C9: variants seen among roughly 807,000 people sequenced by gnomAD.
C9 encodes the protein complement C9.
Under a neutral mutation model 65.4 loss-of-function variants are expected in C9, and 63 were observed. That is an observed-to-expected ratio of 0.96 (90% CI 0.79 to 1.19). C9 has a LOEUF of 1.19. Among genes scored for constraint, C9 ranks in the 50% most tolerant of loss-of-function variants. The probability of loss-of-function intolerance (pLI) is 0.00; values close to 1 mark genes in which losing one functional copy is unlikely to be tolerated. For synonymous variants in C9, 229 were observed against 227.9 expected, an observed-to-expected ratio of 1.00 and a Z score of -0.04; for missense variants, 744 against 670.1, an observed-to-expected ratio of 1.11 and a Z score of -1.22.
Position 39,334,674 on chromosome 5 carries a change from G to A in C9, c.477-2860C>T, listed in dbSNP as rs532931478. Reference sequence around the variant, plus strand: ...GAGGAGCCCCTCTGCCCGGCCAGCCGCCCAGTCCGGGAGGGAGGTGGGGCG... The same window carrying A: ...GAGGAGCCCCTCTGCCCGGCCAGCCACCCAGTCCGGGAGGGAGGTGGGGCG... On this transcript the variant is annotated intron_variant, in intron 4 of 10. Transcript: ENST00000263408. Among the ~76,000 whole-genome samples, 26 of 147,756 alleles carry A rather than the reference G, an allele frequency of 1.8e-4. No homozygotes were observed. In the South Asian group the frequency reaches 5.0e-3, roughly 29 times the overall value.
Position 39,284,889 on chromosome 5 carries a change from C to A in C9, c.*310G>T. On this transcript the variant is annotated 3_prime_UTR_variant, in exon 11 of 11. Transcript: ENST00000263408. The stretch of plus-strand genomic sequence containing the variant: ...AAAATTACTTTGAAGTTTTTTAAAC[C>A]AACATTCTGTTTTTAATTTAATTTT... 2 of 363,052 alleles carry A rather than the reference C, an allele frequency of 5.5e-6. No individual in the cohort carries two copies. The highest frequency in any genetic ancestry group is 5.0e-6 in the Non-Finnish European group (1 of 199,984). 22.5% of individuals were successfully genotyped at this position (363,052 alleles called of 1,614,324 possible).
chr5:39,317,275 A>C (rs1175726227), intron 5 of C9, among the ~76,000 whole-genome samples: 1 of 152,048 alleles, frequency 6.6e-6, no homozygotes, highest in African/African-American at 2.4e-5. Context: ...AGATTGCAAA[A>C]ATTTTCACCT....
Position 39,344,771 on chromosome 5 carries a change from A to G in C9, c.78-2575T>C, listed in dbSNP as rs908523156. 3.9e-5 allele frequency among the ~76,000 whole-genome samples: 6 copies of G among 152,236 alleles called. No homozygotes were observed. In the East Asian group the frequency reaches 1.2e-3, roughly 29 times the overall value. The stretch of plus-strand genomic sequence containing the variant: ...GAAAAAATGTTAAGGGCAGTCAGAG[A>G]GAAAGGTCAGCTTACCCATAAAGGG... On this transcript the variant is annotated intron_variant, in intron 1 of 10. Transcript: ENST00000263408.
Position 39,342,327 on chromosome 5 carries a change from C to A in C9, c.78-131G>T, listed in dbSNP as rs552257705. The A allele has an allele frequency of 3.5e-5, 22 of 620,954 alleles. No individual in the cohort carries two copies. The East Asian group carries it at 6.2e-4, about 17-fold the overall frequency. The allele number at this position is 620,954 out of a possible 1,614,324, so 38.5% of individuals were successfully genotyped here. A position where few individuals can be genotyped will look rare whatever the true frequency, so the allele number is the denominator to read the frequency against. On this transcript the variant is annotated intron_variant, in intron 1 of 10. Coordinates refer to ENST00000263408, the MANE Select transcript of C9 (RefSeq NM_001737.5). Reference sequence around the variant, plus strand: ...TACCACTTATCTTTTTACTATATCTCTCATTTCACCCTCAATTGCATGCTG... The same window carrying A: ...TACCACTTATCTTTTTACTATATCTATCATTTCACCCTCAATTGCATGCTG...
chr5:39,335,523 G>A lies in C9; in HGVS notation c.477-3709C>T, dbSNP rs538501754. Among the ~76,000 whole-genome samples the A allele has an allele frequency of 2.0e-5, 3 of 152,232 alleles. No homozygotes were observed. In the South Asian group the frequency reaches 6.2e-4, roughly 32 times the overall value. On this transcript the variant is annotated intron_variant, in intron 4 of 10. Coordinates refer to ENST00000263408, the MANE Select transcript of C9 (RefSeq NM_001737.5). The stretch of plus-strand genomic sequence containing the variant: ...CAAACTTTTTTTCTCTTGTAGTATA[G>A]CAACAATTTATATGGCATTTACACT...
chr5:39,323,015 A>G (rs1245627238), intron 5 of C9, among the ~76,000 whole-genome samples: 1 of 152,110 alleles, frequency 6.6e-6, no homozygotes, highest in African/African-American at 2.4e-5. Context: ...AAATATAAAT[A>G]AACATAAGAT....
chr5:39,299,402 A>G (rs766923812), intron 9 of C9, among the ~76,000 whole-genome samples: 10 of 152,134 alleles, frequency 6.6e-5, no homozygotes, highest in Non-Finnish European at 1.5e-4. Context: ...TCACCAAAAA[A>G]TATCCCCGTC....
chr5:39,304,414 C>T (rs886139773), intron 9 of C9, among the ~76,000 whole-genome samples: 14 of 152,076 alleles, frequency 9.2e-5, no homozygotes, highest in African/African-American at 3.1e-4. Context: ...CTTCAAATTC[C>T]TGAAAATGAA....
intron 9 of C9, among the ~76,000 whole-genome samples, chr5:39,302,897 A>G (rs1365088902): frequency 2.6e-5 from 4 of 152,192 alleles, no homozygotes; most frequent in African/African-American, 9.6e-5. Flanking sequence ...CAAGAGAAAC[A>G]AAATGAGATT....
At chr5:39,353,839 A>AAT (rs1184884791) in intron 1 of C9, among the ~76,000 whole-genome samples, 3 of 152,206 alleles carry the variant, frequency 2.0e-5, no homozygotes, top group African/African-American at 7.2e-5. Context: ...CCTGAAACAT[A>AAT]ATAGGTACTC....
At chr5:39,301,278 A>G (rs1258089022) in intron 9 of C9, among the ~76,000 whole-genome samples, 1 of 152,096 alleles carries the variant, frequency 6.6e-6, no homozygotes, top group African/African-American at 2.4e-5. Flanking sequence ...CAGTCCTCAT[A>G]AAAAGTGTCA....
chr5:39,358,397 G>T (rs1297317011), intron 1 of C9, among the ~76,000 whole-genome samples: 1 of 152,182 alleles, frequency 6.6e-6, no homozygotes, highest in African/African-American at 2.4e-5. Flanking sequence ...AGAGCAGAGT[G>T]AGCCAAAAAG....
chr5:39,325,759 G>A (rs191430892), intron 5 of C9, among the ~76,000 whole-genome samples: 16 of 130,596 alleles, frequency 1.2e-4, no homozygotes, highest in African/African-American at 3.0e-4. Context: ...GCAACAGAGC[G>A]AGACTCCATC....
At chr5:39,310,080 C>T (rs1022833965) in intron 7 of C9, among the ~76,000 whole-genome samples, 15 of 152,146 alleles carry the variant, frequency 9.9e-5, no homozygotes, top group African/African-American at 2.7e-4. Context: ...TTCCACTCCC[C>T]CCCGGGAAAG....
At chr5:39,346,831 G>T (rs1435681730) in intron 1 of C9, among the ~76,000 whole-genome samples, 7 of 152,190 alleles carry the variant, frequency 4.6e-5, no homozygotes, top group Non-Finnish European at 1.5e-5. Flanking sequence ...CCATGATCAA[G>T]TGGGCTTCAT....
intron 1 of C9, among the ~76,000 whole-genome samples, chr5:39,360,466 T>C (rs571939352): frequency 1.5e-3 from 228 of 152,152 alleles, no homozygotes; most frequent in African/African-American, 4.8e-3. Context: ...AAGTGAAGAA[T>C]AAATTAAATA....
intron 7 of C9, among the ~76,000 whole-genome samples, chr5:39,309,800 A>G (rs543112187): frequency 1.3e-5 from 2 of 152,300 alleles, no homozygotes; most frequent in East Asian, 3.9e-4. Flanking sequence ...TAAGGCCAGA[A>G]GGTAAGTAGC....
intron 6 of C9, among the ~76,000 whole-genome samples, chr5:39,311,867 C>T (rs1160752186): frequency 2.0e-5 from 3 of 152,126 alleles, no homozygotes; most frequent in African/African-American, 7.2e-5. Flanking sequence ...AATAAAACTA[C>T]TGATACATGT....
intron 9 of C9, among the ~76,000 whole-genome samples, chr5:39,291,805 T>C (rs138089764): frequency 4.4e-4 from 67 of 151,944 alleles, no homozygotes; most frequent in African/African-American, 1.6e-3. Context: ...AAAATATCTT[T>C]GATGAGTTTG....
Sources: allele counts gnomAD v4.1 joint callset (sites outside exome capture counted in the v4.1 genomes callset), GRCh38; gene constraint gnomAD v4.1.1; transcripts MANE v1.5; gene names NCBI Gene and HGNC (gene_info 2026-07-23, HGNC 2026-07-21).